The following GINS1 variants were observed in gnomAD, a reference collection of about 807,000 sequenced individuals.
The protein encoded by GINS1 is DNA replication complex GINS protein PSF1.
Under a neutral mutation model 34.9 loss-of-function variants are expected in GINS1, and 26 were observed. That is an observed-to-expected ratio of 0.74 (90% CI 0.55 to 1.03). The LOEUF (loss-of-function observed/expected upper bound fraction) is 1.03, where lower values mean the gene tolerates loss of function less well. Ranked by LOEUF, GINS1 falls within the 50% of genes least tolerant of loss-of-function variation. GINS1 has a pLI of 0.00. For synonymous variants in GINS1, 97 were observed against 84.4 expected, an observed-to-expected ratio of 1.15 and a Z score of -0.82; for missense variants, 235 against 237.9, an observed-to-expected ratio of 0.99 and a Z score of 0.08.
chr20:25,415,781 G>A (rs925785106), intron 2 of GINS1, among the ~76,000 whole-genome samples: 3 of 152,000 alleles, frequency 2.0e-5, no homozygotes, highest in Non-Finnish European at 4.4e-5. Flanking sequence ...TGGGATTCAT[G>A]CTATGAAGGA....
intron 4 of GINS1, among the ~76,000 whole-genome samples, chr20:25,418,934 G>C (rs1411822943): frequency 6.6e-6 from 1 of 152,164 alleles, no homozygotes; most frequent in Non-Finnish European, 1.5e-5. Context: ...GTCTTTCTGG[G>C]GTAGCCAGTC....
chr20:25,417,301 C>G, intron 3 of GINS1, 99 bp downstream of exon 3: 3 of 667,170 alleles, frequency 4.5e-6, no homozygotes, highest in Non-Finnish European at 5.3e-6. Context: ...ATCTCTCTCT[C>G]TTTGTAAGCA....
intron 4 of GINS1, among the ~76,000 whole-genome samples, chr20:25,422,097 G>A (rs1280476732): frequency 6.6e-6 from 1 of 151,940 alleles, no homozygotes; most frequent in Non-Finnish European, 1.5e-5. Flanking sequence ...ACAGGCACAT[G>A]CAAACACATC....
At chr20:25,420,725 T>C in intron 4 of GINS1, 1 of 267,584 alleles carries the variant, frequency 3.7e-6, no homozygotes, top group Non-Finnish European at 5.7e-6. Context: ...GAGGTTGCGA[T>C]GAGCTGAGAT....
At chr20:25,432,477 C>CT (rs1013764458) in intron 5 of GINS1, among the ~76,000 whole-genome samples, 9 of 151,196 alleles carry the variant, frequency 6.0e-5, no homozygotes, top group East Asian at 1.9e-4. Flanking sequence ...TAATTTTCTT[C>CT]TTTTTTTTAG....
intron 4 of GINS1, among the ~76,000 whole-genome samples, chr20:25,423,700 A>G (rs1265015686): frequency 1.4e-5 from 2 of 141,398 alleles, no homozygotes; most frequent in Middle Eastern, 3.9e-3. Context: ...TGCAAGCTCT[A>G]CCTCCCGGGT....
Position 25,408,016 on chromosome 20 carries a change from G to A in GINS1, c.75+121G>A, listed in dbSNP as rs955027693. 4 of 714,616 alleles carry A rather than the reference G, an allele frequency of 5.6e-6. No homozygotes were observed. The African/African-American group carries it at 7.1e-5, about 13-fold the overall frequency. The allele number at this position is 714,616 out of a possible 1,614,324, so 44.3% of individuals were successfully genotyped here. On this transcript the variant is annotated intron_variant, in intron 1 of 6. Coordinates refer to ENST00000262460, the MANE Select transcript of GINS1 (RefSeq NM_021067.5). ...TTCCCTCCGAGCTCCGGAAAACTTG[G>A]GAAGCAGCAAAACAAAATTCAGGAG...
intron 4 of GINS1, among the ~76,000 whole-genome samples, chr20:25,421,994 A>G (rs997472314): frequency 6.6e-6 from 1 of 151,364 alleles, no homozygotes; most frequent in African/African-American, 2.4e-5. Context: ...ATTATAAAAA[A>G]CAATGCAGTT....
chr20:25,419,239 C>T (rs991176574), intron 4 of GINS1, among the ~76,000 whole-genome samples: 2 of 151,878 alleles, frequency 1.3e-5, no homozygotes, highest in Non-Finnish European at 2.9e-5. Flanking sequence ...AGTTGCATAG[C>T]ACAGAGCTTA....
chr20:25,423,624 T>A (rs2090372229), intron 4 of GINS1, among the ~76,000 whole-genome samples: 1 of 82,646 alleles, frequency 1.2e-5, no homozygotes, highest in Non-Finnish European at 2.4e-5. Flanking sequence ...TTTTTTTTTT[T>A]TTTTTCCGAG....
At chr20:25,437,857 G>A (rs562767133) in intron 5 of GINS1, among the ~76,000 whole-genome samples, 1 of 152,262 alleles carries the variant, frequency 6.6e-6, no homozygotes, top group African/African-American at 2.4e-5. Flanking sequence ...AGTGGCTTAC[G>A]CTTGTAATCC....
At chr20:25,428,353 T>G (rs1010692752) in intron 5 of GINS1, among the ~76,000 whole-genome samples, 1 of 151,830 alleles carries the variant, frequency 6.6e-6, no homozygotes, top group Non-Finnish European at 1.5e-5. Context: ...ATGGTCCAAC[T>G]TTATTTTTTT....
chr20:25,413,056 AT>A (rs753937496), intron 1 of GINS1, among the ~76,000 whole-genome samples: 6,824 of 135,888 alleles, frequency 0.05, 390 homozygotes, highest in African/African-American at 0.16. Flanking sequence ...TCAGTAGTTC[AT>A]TTTTTTTTTT....
At chr20:25,410,794 C>G (rs1333082588) in intron 1 of GINS1, among the ~76,000 whole-genome samples, 1 of 151,986 alleles carries the variant, frequency 6.6e-6, no homozygotes, top group Non-Finnish European at 1.5e-5. Context: ...AACTCCTGAC[C>G]TCAGGCGATC....
chr20:25,423,054 G>A (rs1029633755), intron 4 of GINS1, among the ~76,000 whole-genome samples: 7 of 152,018 alleles, frequency 4.6e-5, no homozygotes, highest in Non-Finnish European at 8.8e-5. Context: ...TGGGATTACA[G>A]GTGTGAGCCA....
intron 5 of GINS1, among the ~76,000 whole-genome samples, chr20:25,439,112 T>C (rs1403767358): frequency 6.6e-6 from 1 of 152,194 alleles, no homozygotes; most frequent in Non-Finnish European, 1.5e-5. Context: ...AACCCTTTAT[T>C]TACTAAAACC....
chr20:25,442,610 ATTTTT>A (rs146610455), intron 6 of GINS1, among the ~76,000 whole-genome samples: 1 of 123,948 alleles, frequency 8.1e-6, no homozygotes, highest in Non-Finnish European at 1.6e-5. Context: ...TATTATTATT[ATTTTT>A]TTTTTTTTTT....
Position 25,418,156 on chromosome 20 carries a change from C to A in GINS1, c.291C>A (p.Val97=). 1 of 1,602,808 alleles carries A rather than the reference C, an allele frequency of 6.2e-7. No individual in the cohort carries two copies. The highest frequency in any genetic ancestry group is 1.7e-5 in the Admixed American group (1 of 60,002). Residue 97 remains valine (V), a synonymous_variant, in exon 4 of 7, where the codon GTC becomes GTA. Coordinates refer to ENST00000262460, the MANE Select transcript of GINS1 (RefSeq NM_021067.5). Reference sequence around the variant, plus strand: ...CACTCAGATGGGAATATGGTAGCGTCTTGCCAAATGCATTACGATTTCACA... The same window carrying A: ...CACTCAGATGGGAATATGGTAGCGTATTGCCAAATGCATTACGATTTCACA... ...IRALRWEYGS[V]LPNALRFHMA... is the part of the protein sequence containing the mutation.
intron 6 of GINS1, 27 bp from the exon 7 acceptor site, chr20:25,445,896 T>C: frequency 7.1e-7 from 1 of 1,417,216 alleles, no homozygotes; most frequent in Non-Finnish European, 9.9e-7. Flanking sequence ...TATTTTACTC[T>C]TTCTCCATCC....
Sources: gnomAD v4.1 joint callset for allele counts (sites outside exome capture counted in the v4.1 genomes callset) on GRCh38, gnomAD v4.1.1 for gene constraint, MANE v1.5 for transcripts, NCBI Gene and HGNC (gene_info 2026-07-23, HGNC 2026-07-21) for gene names.